PREX1: variants seen among roughly 807,000 people sequenced by gnomAD.
PREX1 encodes phosphatidylinositol-3,4,5-trisphosphate dependent Rac exchange factor 1, also known as phosphatidylinositol 3,4,5-trisphosphate-dependent Rac exchanger 1 protein.
In PREX1, 41 loss-of-function variants were observed where a neutral mutation model predicts 198.3. The observed-to-expected ratio is 0.21, with a 90% CI of 0.16 to 0.27. The LOEUF (loss-of-function observed/expected upper bound fraction) is 0.27, where lower values mean the gene tolerates loss of function less well. PREX1 is among the 10% of genes least tolerant of loss of function. PREX1 has a pLI of 1.00. For missense variants in PREX1, 1,620 were observed against 2,200.7 expected (o/e 0.74, Z 5.28); for synonymous variants, 843 against 887.2 (o/e 0.95, Z 0.89).
intron 39 of PREX1, among the ~76,000 whole-genome samples, chr20:48,626,455 T>C (rs917513956): frequency 2.6e-5 from 4 of 152,318 alleles, no homozygotes; most frequent in Non-Finnish European, 4.4e-5. Flanking sequence ...CTGTGTGACA[T>C]TGGACAAGAT....
intron 8 of PREX1, 141 bp downstream of exon 8, chr20:48,692,531 G>C (rs1216229674): frequency 1.6e-6 from 1 of 620,734 alleles, no homozygotes; most frequent in African/African-American, 1.8e-5. Flanking sequence ...TTCGCTTCAT[G>C]CATCTATGCT....
intron 29 of PREX1, among the ~76,000 whole-genome samples, chr20:48,641,774 A>AG (rs1315542697): frequency 6.6e-6 from 1 of 151,382 alleles, no homozygotes; most frequent in African/African-American, 2.4e-5. Flanking sequence ...CCTGAGTGAT[A>AG]GAGTGAGACC....
intron 18 of PREX1, chr20:48,656,581 T>C (rs6066809): frequency 0.079 from 36,151 of 456,184 alleles, 1,687 homozygotes; most frequent in East Asian, 0.14. Flanking sequence ...GCCCTCTTCC[T>C]CCAGAAATCC....
At chr20:48,861,429 G>A in the PREX1 span, among the ~76,000 whole-genome samples, 4 of 152,112 alleles carry the variant, frequency 2.6e-5, no homozygotes, top group African/African-American at 4.8e-5. Flanking sequence ...CCGGCCACCC[G>A]GGGGCTATGT....
At chr20:48,713,857 T>TAAAAAAAAAAAAAAAAAAAA (rs71337452) in intron 5 of PREX1, among the ~76,000 whole-genome samples, 1 of 81,738 alleles carries the variant, frequency 1.2e-5, no homozygotes, top group Non-Finnish European at 2.5e-5. Flanking sequence ...CCCAGAACTA[T>TAAAAAAAAAAAAAAAAAAAA]AAAAAAAAAA....
At chr20:48,859,974 C>A in the PREX1 span, among the ~76,000 whole-genome samples, 3 of 152,148 alleles carry the variant, frequency 2.0e-5, no homozygotes, top group Non-Finnish European at 4.4e-5. Flanking sequence ...GCTGAGATTG[C>A]ACCACTGCAC....
chr20:48,839,515 A>G, the PREX1 span, among the ~76,000 whole-genome samples: 3 of 152,142 alleles, frequency 2.0e-5, no homozygotes, highest in Non-Finnish European at 4.4e-5. Context: ...ATTTCATACT[A>G]TGTTACCTTT....
chr20:48,787,097 C>A (rs1025074434), intron 1 of PREX1, among the ~76,000 whole-genome samples: 3 of 152,084 alleles, frequency 2.0e-5, no homozygotes, highest in Admixed American at 2.0e-4. Context: ...GCAAAGGCTG[C>A]GAGAAGCGGG....
In PREX1 at chr20:48,666,378, G is replaced by A. The variant is rs575452807; in HGVS notation, c.1666-23C>T. ...TCCCTGGAATGGAACAAGAAGGGGA[G>A]GGTGTTAGGTGGCAGCATCCGAGAG... On this transcript the variant is annotated intron_variant, in intron 14 of 39. Transcript: ENST00000371941. The surrounding 1 kb of genome is among the most constrained non-coding windows in gnomAD (Gnocchi z 4.3). 9.1e-6 allele frequency: 14 copies of A among 1,541,384 alleles called. No individual in the cohort carries two copies. The South Asian group carries it at 1.7e-4, about 18-fold the overall frequency.
intron 1 of PREX1, among the ~76,000 whole-genome samples, chr20:48,775,820 G>T (rs1347823226): frequency 6.6e-6 from 1 of 152,168 alleles, no homozygotes. Context: ...GGCCTCTCCA[G>T]GTGTGTGGAA....
intron 10 of PREX1, among the ~76,000 whole-genome samples, chr20:48,687,808 G>C (rs933369681): frequency 6.6e-6 from 1 of 152,104 alleles, no homozygotes. Flanking sequence ...GGTGACCTGC[G>C]TGTAAGAGCC....
At chr20:48,693,286 A>G (rs1045734835) in intron 7 of PREX1, among the ~76,000 whole-genome samples, 8 of 152,086 alleles carry the variant, frequency 5.3e-5, no homozygotes, top group Admixed American at 2.0e-4. Context: ...ACCCACTCCT[A>G]TAGTCTAAAT....
At chr20:48,680,291 C>G (rs1414014145) in intron 11 of PREX1, among the ~76,000 whole-genome samples, 1 of 152,192 alleles carries the variant, frequency 6.6e-6, no homozygotes, top group Admixed American at 6.5e-5. Flanking sequence ...CCTTCGCCTC[C>G]CACCTGGACT....
chr20:48,659,949 C>A lies in PREX1; in HGVS notation c.1851G>T (p.Leu617=). Residue 617 remains leucine, a synonymous_variant, in exon 16 of 40, where the codon CTG becomes CTT. Transcript: ENST00000371941. ...KNKQLRNDFK[L]VENILAKRLL... ...GGCGCTTGGCCAGAATGTTCTCCAC[C>A]AGCTTGAAGTCGTTGCGAAGCTGTT... 1 of 1,614,268 alleles carries A rather than the reference C, an allele frequency of 6.2e-7. No individual in the cohort carries two copies. Among genetic ancestry groups the A allele is most frequent in the East Asian group, 2.2e-5 (1 of 44,890 alleles).
At chr20:48,631,450 C>T (rs117811331) in intron 35 of PREX1, among the ~76,000 whole-genome samples, 1,763 of 152,278 alleles carry the variant, frequency 0.012, 12 homozygotes, top group Non-Finnish European at 0.02. Context: ...GAACAGTGCC[C>T]GGCCCGCAGA....
At chr20:48,840,400 A>C in the PREX1 span, among the ~76,000 whole-genome samples, 1 of 152,130 alleles carries the variant, frequency 6.6e-6, no homozygotes, top group African/African-American at 2.4e-5. Context: ...AGTGCTAGAC[A>C]CTGTTGCTCC....
intron 1 of PREX1, among the ~76,000 whole-genome samples, chr20:48,798,671 T>C (rs1166461692): frequency 2.0e-5 from 3 of 152,068 alleles, no homozygotes; most frequent in East Asian, 3.9e-4. Flanking sequence ...TCTGCTGCGG[T>C]GGATGTGAGG....
chr20:48,633,211 A>G (rs570883133), intron 33 of PREX1, among the ~76,000 whole-genome samples: 85 of 152,320 alleles, frequency 5.6e-4, no homozygotes, highest in Non-Finnish European at 7.3e-4. Context: ...GCTGCCTATC[A>G]ATTCCAATTG....
In PREX1 at chr20:48,625,640, A is replaced by T. The variant is rs114442479; in HGVS notation, c.*245T>A. 265 of 506,428 alleles carry T rather than the reference A, an allele frequency of 5.2e-4. No individual in the cohort carries two copies. The highest frequency in any genetic ancestry group is 5.1e-3 in the African/African-American group (252 of 49,048). 31.4% of individuals were successfully genotyped at this position (506,428 alleles called of 1,614,324 possible). A position where few individuals can be genotyped will look rare whatever the true frequency, so the allele number is the denominator to read the frequency against. On this transcript the variant is annotated 3_prime_UTR_variant, in exon 40 of 40. Transcript: ENST00000371941. ...GCTCCCATCAGCTCTATGGGTCTCCAGCACCCCTCCAGCTTCTGGCAGGCG... is the reference window on the plus strand; with the variant it reads ...GCTCCCATCAGCTCTATGGGTCTCCTGCACCCCTCCAGCTTCTGGCAGGCG...
Sources: gnomAD v4.1 joint callset for allele counts (sites outside exome capture counted in the v4.1 genomes callset) on GRCh38, gnomAD v4.1.1 for gene constraint, Gnocchi (gnomAD v3.1) non-coding constraint, MANE v1.5 for transcripts, NCBI Gene and HGNC (gene_info 2026-07-23, HGNC 2026-07-21) for gene names.